Variants in SRRT observed in about 807,000 individuals in gnomAD.
SRRT encodes serrate, RNA effector molecule.
In SRRT, 32 loss-of-function variants were observed where a neutral mutation model predicts 103.2. The ratio of observed to expected loss-of-function variants is 0.31; its 90% confidence interval spans 0.23 to 0.42. The LOEUF is 0.42. Among genes scored for constraint, SRRT ranks in the 10% least tolerant of loss-of-function variants. The probability of loss-of-function intolerance (pLI) is 1.00; values close to 1 mark genes in which losing one functional copy is unlikely to be tolerated. For missense variants in SRRT, 986 were observed against 1,207.5 expected (o/e 0.82, Z 2.72); for synonymous variants, 525 against 449.0 (o/e 1.17, Z -2.14).
Position 100,887,129 on chromosome 7 carries a change from A to G in SRRT, c.1904A>G (p.Glu635Gly). The G allele has an allele frequency of 6.2e-7, 1 of 1,614,228 alleles. No individual in the cohort carries two copies. The highest frequency in any genetic ancestry group is 8.5e-7 in the Non-Finnish European group (1 of 1,180,050). The change falls in exon 15 of 20, where the codon GAG becomes GGG. Residue 635 changes from glutamate to glycine, a missense_variant. By Grantham distance (98) the Glu-to-Gly change is moderately conservative. Coordinates refer to ENST00000611405, the MANE Select transcript of SRRT (RefSeq NM_015908.6). This position sits in a 1 kb window ranked among gnomAD's most constrained non-coding sequence, Gnocchi z 4.1. ...YNTCEYPNED[E>G]MPNRCGIIHV... ...ACCTGTGAGTACCCCAACGAGGACG[A>G]GATGCCCAATCGCTGTGGGATCATC...
Position 100,882,249 on chromosome 7 carries a change from C to T in SRRT, c.587+8C>T, listed in dbSNP as rs747776112. On this transcript the variant is annotated splice_region_variant and intron_variant, in intron 5 of 19. Coordinates refer to ENST00000611405, the MANE Select transcript of SRRT (RefSeq NM_015908.6). The surrounding 1 kb of genome is among the most constrained non-coding windows in gnomAD (Gnocchi z 4.2). Reference sequence around the variant, plus strand: ...GCACAAAGATGAGGAGTGGTGAGTGCCCCTACTTCCCTGGACCTCTGCCCT... The same window carrying T: ...GCACAAAGATGAGGAGTGGTGAGTGTCCCTACTTCCCTGGACCTCTGCCCT... 13 of 1,612,674 alleles carry T rather than the reference C, an allele frequency of 8.1e-6. No individual in the cohort carries two copies. Among genetic ancestry groups the T allele is most frequent in the Non-Finnish European group, 1.1e-5 (13 of 1,179,100 alleles).
rs1419146761 is a variant in SRRT, at chr7:100,886,977, G to A, written c.1821+9G>A. On this transcript the variant is annotated intron_variant, in intron 14 of 19. Transcript: ENST00000611405. ...ATGAGAAGTTGATTAAGGTGCCAGT[G>A]GCAGCGCGGGGCACGTGGGGGCTCG... is the stretch of plus-strand genomic sequence containing the variant. The A allele has an allele frequency of 3.1e-6, 5 of 1,609,140 alleles. No homozygotes were observed. Among genetic ancestry groups the A allele is most frequent in the Non-Finnish European group, 4.2e-6 (5 of 1,176,520 alleles).
chr7:100,875,487 G>A (rs778573192), intron 1 of SRRT, 86 bp from the exon 2 acceptor site: 6 of 1,574,404 alleles, frequency 3.8e-6, no homozygotes, highest in Non-Finnish European at 5.2e-6. Context: ...TTGGCGGGAG[G>A]GAAGCGGGCG....
chr7:100,879,821 AAAAAAG>A (rs1816111690), intron 2 of SRRT, among the ~76,000 whole-genome samples: 4 of 151,754 alleles, frequency 2.6e-5, no homozygotes. Flanking sequence ...AAAAAAAAAA[AAAAAAG>A]AAGAAGAAGA....
In SRRT at chr7:100,882,326, G is replaced by GTT; in HGVS notation, c.587+88_587+89dup. On this transcript the variant is annotated intron_variant, in intron 5 of 19. Transcript: ENST00000611405. The surrounding 1 kb of genome is among the most constrained non-coding windows in gnomAD (Gnocchi z 4.2). ...GAGCCACAGCCCTGTCCTCTTCCCA[G>GTT]TTTTCCCTGTCCAGAACTTTCTGGG... The GTT allele has an allele frequency of 6.8e-7, 1 of 1,472,554 alleles. No homozygotes were observed. Among genetic ancestry groups the GTT allele is most frequent in the Non-Finnish European group, 9.2e-7 (1 of 1,086,474 alleles). The allele number at this position is 1,472,554 out of a possible 1,614,324, so 91.2% of individuals were successfully genotyped here. A position where few individuals can be genotyped will look rare whatever the true frequency, so the allele number is the denominator to read the frequency against.
intron 2 of SRRT, 57 bp downstream of exon 2, chr7:100,875,769 G>C: frequency 1.2e-6 from 2 of 1,601,932 alleles, no homozygotes; most frequent in Non-Finnish European, 1.7e-6. Context: ...CTCCACCCGC[G>C]TCGCTTTTCT....
At position 100,882,542 on chromosome 7, in the gene SRRT, G is replaced by T; in HGVS notation, c.587+301G>T. The T allele has an allele frequency of 3.3e-6, 1 of 299,306 alleles. No homozygotes were observed. Among genetic ancestry groups the T allele is most frequent in the East Asian group, 6.9e-5 (1 of 14,510 alleles). 18.5% of individuals were successfully genotyped at this position (299,306 alleles called of 1,614,324 possible). A position where few individuals can be genotyped will look rare whatever the true frequency, so the allele number is the denominator to read the frequency against. Reference sequence around the variant, plus strand: ...GACTGCTTCCCACTTGTTGGTGTTGGGTCATTGTCATCCCTGATCACCAGG... The same window carrying T: ...GACTGCTTCCCACTTGTTGGTGTTGTGTCATTGTCATCCCTGATCACCAGG... On this transcript the variant is annotated intron_variant, in intron 5 of 19. Coordinates refer to ENST00000611405, the MANE Select transcript of SRRT (RefSeq NM_015908.6). This position sits in a 1 kb window ranked among gnomAD's most constrained non-coding sequence, Gnocchi z 4.2.
Position 100,885,146 on chromosome 7 carries a change from T to TGTATCCTCCCCACCACAATCA in SRRT, c.1160-63_1160-43dup. 1 of 1,603,214 alleles carries TGTATCCTCCCCACCACAATCA rather than the reference T, an allele frequency of 6.2e-7. No individual in the cohort carries two copies. The highest frequency in any genetic ancestry group is 1.7e-4 in the Middle Eastern group (1 of 6,002). On this transcript the variant is annotated intron_variant, in intron 9 of 19. Coordinates refer to ENST00000611405, the MANE Select transcript of SRRT (RefSeq NM_015908.6). The surrounding 1 kb of genome is among the most constrained non-coding windows in gnomAD (Gnocchi z 4.8). ...TGGGTGGCTTTTAGGGGAAAGCTTC[T>TGTATCCTCCCCACCACAATCA]GTATCCTCCCCACCACAATCAGTAA...
intron 2 of SRRT, among the ~76,000 whole-genome samples, chr7:100,878,870 C>CT: frequency 6.6e-6 from 1 of 151,862 alleles, no homozygotes; most frequent in East Asian, 1.9e-4. Context: ...CCCAGCTAAC[C>CT]TACTTTCTTC....
intron 13 of SRRT, 125 bp from the exon 14 acceptor site, chr7:100,886,670 G>A: frequency 8.7e-7 from 1 of 1,154,848 alleles, no homozygotes; most frequent in South Asian, 1.3e-5. Flanking sequence ...ATCTCAAGGG[G>A]GCAAAAGGTG....
rs111950536 is a variant in SRRT, at chr7:100,882,345, T to C, written c.587+104T>C. 31 of 1,342,564 alleles carry C rather than the reference T, an allele frequency of 2.3e-5. No individual in the cohort carries two copies. In the African/African-American group the frequency reaches 4.6e-4, roughly 20 times the overall value. 83.2% of individuals were successfully genotyped at this position (1,342,564 alleles called of 1,614,324 possible). On this transcript the variant is annotated intron_variant, in intron 5 of 19. Coordinates refer to ENST00000611405, the MANE Select transcript of SRRT (RefSeq NM_015908.6). The surrounding 1 kb of genome is among the most constrained non-coding windows in gnomAD (Gnocchi z 4.2). ...TTCCCAGTTTTCCCTGTCCAGAACT[T>C]TCTGGGGGCGGGGGTCGGGAAGTAT...
Position 100,885,799 on chromosome 7 carries a change from G to C in SRRT, c.1379+37G>C, listed in dbSNP as rs1328966613. The C allele has an allele frequency of 6.2e-7, 1 of 1,613,746 alleles. No individual in the cohort carries two copies. Among genetic ancestry groups the C allele is most frequent in the East Asian group, 2.2e-5 (1 of 44,880 alleles). On this transcript the variant is annotated intron_variant, in intron 11 of 19. Transcript: ENST00000611405. The surrounding 1 kb of genome is among the most constrained non-coding windows in gnomAD (Gnocchi z 4.8). The stretch of plus-strand genomic sequence containing the variant: ...GGTGCGTTGGAGGGAAAAGTGCAGG[G>C]GAACGTTAATGGCCAACACCAACTC...
Position 100,886,107 on chromosome 7 carries a change from CGGAACCTATGT to C in SRRT, c.1459-137_1459-127del, listed in dbSNP as rs1051720246. 8 of 1,249,374 alleles carry C rather than the reference CGGAACCTATGT, an allele frequency of 6.4e-6. No individual in the cohort carries two copies. In the African/African-American group the frequency reaches 1.0e-4, roughly 16 times the overall value. 77.4% of individuals were successfully genotyped at this position (1,249,374 alleles called of 1,614,324 possible). ...CAAGGCTCTAGGGCGTTAGCATGGA[CGGAACCTATGT>C]GGTCCCCGTCCCCAGGGAGCTCGCA... On this transcript the variant is annotated intron_variant, in intron 12 of 19. Coordinates refer to ENST00000611405, the MANE Select transcript of SRRT (RefSeq NM_015908.6).
In SRRT at chr7:100,878,367, G is replaced by A. The variant is rs565404070; in HGVS notation, c.122+2655G>A. Reference sequence around the variant, plus strand: ...AACTTCTACTAATGTGAGCTTGACAGCTTCCCATTAAGTAAAGACTTTCTT... The same window carrying A: ...AACTTCTACTAATGTGAGCTTGACAACTTCCCATTAAGTAAAGACTTTCTT... On this transcript the variant is annotated intron_variant, in intron 2 of 19. Transcript: ENST00000611405. Among the ~76,000 whole-genome samples the A allele has an allele frequency of 3.9e-5, 6 of 152,184 alleles. No homozygotes were observed. The East Asian group carries it at 9.6e-4, about 24-fold the overall frequency.
Position 100,888,559 on chromosome 7 carries a change from C to G in SRRT, c.*10C>G, listed in dbSNP as rs753009609. On this transcript the variant is annotated 3_prime_UTR_variant, in exon 20 of 20. Coordinates refer to ENST00000611405, the MANE Select transcript of SRRT (RefSeq NM_015908.6). Reference sequence around the variant, plus strand: ...TGTTGATTTCTTTTGAGCCGTCCCCCGTTCCTCAGTCCTGTATCATCCATA... The same window carrying G: ...TGTTGATTTCTTTTGAGCCGTCCCCGGTTCCTCAGTCCTGTATCATCCATA... 2.5e-6 allele frequency: 4 copies of G among 1,613,992 alleles called. No homozygotes were observed. Among genetic ancestry groups the G allele is most frequent in the Non-Finnish European group, 3.4e-6 (4 of 1,179,992 alleles).
chr7:100,886,938 C>T lies in SRRT; in HGVS notation c.1791C>T (p.Ile597=). 1 of 1,612,354 alleles carries T rather than the reference C, an allele frequency of 6.2e-7. No homozygotes were observed. The highest frequency in any genetic ancestry group is 8.5e-7 in the Non-Finnish European group (1 of 1,178,972). Reference sequence around the variant, plus strand: ...CTAAGGAAGGGAACCCGGCAGAGATCAACGTGGAGCGGGATGAGAAGTTGA... The same window carrying T: ...CTAAGGAAGGGAACCCGGCAGAGATTAACGTGGAGCGGGATGAGAAGTTGA... ...EPPKEGNPAE[I]NVERDEKLIK... The change falls in exon 14 of 20, where the codon ATC becomes ATT. Residue 597 remains isoleucine, a synonymous_variant. Transcript: ENST00000611405.
chr7:100,887,659 A>C lies in SRRT; in HGVS notation c.2170-44A>C. Reference sequence around the variant, plus strand: ...TCCAGCTCGGGCCTGGGAGCGAGGCAACCCTTATGTGGCTGTCCTGACCCC... The same window carrying C: ...TCCAGCTCGGGCCTGGGAGCGAGGCCACCCTTATGTGGCTGTCCTGACCCC... On this transcript the variant is annotated intron_variant, in intron 16 of 19. Coordinates refer to ENST00000611405, the MANE Select transcript of SRRT (RefSeq NM_015908.6). This position sits in a 1 kb window ranked among gnomAD's most constrained non-coding sequence, Gnocchi z 4.1. 1.3e-6 allele frequency: 2 copies of C among 1,589,358 alleles called. No homozygotes were observed. Among genetic ancestry groups the C allele is most frequent in the Middle Eastern group, 3.3e-4 (2 of 5,974 alleles).
rs936557550 is a variant in SRRT at position 100,875,977 on chromosome 7, T to C, written c.122+265T>C. ...TTATACATGCACGAAAAGCGTGCTT[T>C]TTTGCTTTTTTTTGTTTTGTTATTG... On this transcript the variant is annotated intron_variant, in intron 2 of 19. Transcript: ENST00000611405. 7.7e-6 allele frequency: 3 copies of C among 390,272 alleles called. No homozygotes were observed. The East Asian group carries it at 1.6e-4, about 21-fold the overall frequency. The allele number at this position is 390,272 out of a possible 1,614,324, so 24.2% of individuals were successfully genotyped here.
intron 19 of SRRT, 45 bp downstream of exon 19, chr7:100,888,428 C>A: frequency 6.2e-7 from 1 of 1,613,024 alleles, no homozygotes; most frequent in Non-Finnish European, 8.5e-7. Flanking sequence ...CTGCAGACTC[C>A]CTTTTGGGAG....
Sources: allele counts gnomAD v4.1 joint callset (sites outside exome capture counted in the v4.1 genomes callset), GRCh38; gene constraint gnomAD v4.1.1; non-coding constraint Gnocchi (gnomAD v3.1); transcripts MANE v1.5; gene names NCBI Gene and HGNC (gene_info 2026-07-23, HGNC 2026-07-21).